The following PIGF variants were observed in gnomAD, a reference collection of about 807,000 sequenced individuals.
PIGF encodes the protein GPI ethanolamine phosphate transferase, stabilizing subunit.
PIGF carries 23 observed loss-of-function variants against 26.0 expected under a neutral mutation model. That is an observed-to-expected ratio of 0.88 (90% confidence interval 0.64 to 1.25). The LOEUF (loss-of-function observed/expected upper bound fraction) is 1.25, where lower values mean the gene tolerates loss of function less well. Among genes scored for constraint, PIGF ranks in the 50% most tolerant of loss-of-function variants. The pLI, the probability that PIGF is intolerant of heterozygous loss-of-function variation, is 0.00. For synonymous variants in PIGF, 93 were observed against 92.6 expected (o/e 1.00, Z -0.03); for missense variants, 278 against 249.9 (o/e 1.11, Z -0.76).
In PIGF at chr2:46,611,917, A is replaced by G. The variant is rs1402962636; in HGVS notation, c.437+311T>C. 2.6e-5 allele frequency among the ~76,000 whole-genome samples: 4 copies of G among 152,186 alleles called. No homozygotes were observed. In the East Asian group the frequency reaches 7.7e-4, roughly 29 times the overall value. ...AAATTATCCCAGAACCATGGTTTTCAAGGCTTTCTTTTAATAGTAGAATTT... is the reference window on the plus strand; with the variant it reads ...AAATTATCCCAGAACCATGGTTTTCGAGGCTTTCTTTTAATAGTAGAATTT... On this transcript the variant is annotated intron_variant, in intron 4 of 5. Transcript: ENST00000281382.
chr2:46,595,603 T>C (rs1310230978), intron 4 of PIGF, among the ~76,000 whole-genome samples: 1 of 152,216 alleles, frequency 6.6e-6, no homozygotes, highest in African/African-American at 2.4e-5. Context: ...TTCATCTCTC[T>C]TGGGATTACA....
Position 46,612,254 on chromosome 2 carries a change from T to A in PIGF, c.411A>T (p.Ala137=), listed in dbSNP as rs1670443653. Residue 137 remains alanine (A), a synonymous_variant, in exon 4 of 6, where the codon GCA becomes GCT. Coordinates refer to ENST00000281382, the MANE Select transcript of PIGF (RefSeq NM_002643.4). The part of the protein sequence containing the change: ...CLCLLGPNLK[A]WLRVFSRNGV... ...CATTTCTACTGAACACTCTTAGCCA[T>A]GCTTTGAGGTTTGGTCCTAACAAAC... 1 of 1,379,324 alleles carries A rather than the reference T, an allele frequency of 7.2e-7. No homozygotes were observed. Among genetic ancestry groups the A allele is most frequent in the Non-Finnish European group, 9.7e-7 (1 of 1,033,878 alleles). 85.4% of individuals were successfully genotyped at this position (1,379,324 alleles called of 1,614,324 possible). A position where few individuals can be genotyped will look rare whatever the true frequency, so the allele number is the denominator to read the frequency against.
At chr2:46,595,985 C>T (rs935200013) in intron 4 of PIGF, among the ~76,000 whole-genome samples, 4 of 152,022 alleles carry the variant, frequency 2.6e-5, no homozygotes, top group Non-Finnish European at 4.4e-5. Context: ...GACGCAGAGG[C>T]GGGCGGATCA....
At chr2:46,600,272 G>A (rs1224966527) in intron 4 of PIGF, among the ~76,000 whole-genome samples, 1 of 152,060 alleles carries the variant, frequency 6.6e-6, no homozygotes. Context: ...ATATGTATGG[G>A]GGTATATACA....
rs761028337 is a variant in PIGF at position 46,615,059 on chromosome 2, T to C, written c.106A>G (p.Ile36Val). The change falls in exon 2 of 6, where the codon ATA becomes GTA. Residue 36 changes from isoleucine (I) to valine (V), a missense_variant. Physicochemically the swap from Ile to Val is conservative, Grantham distance 29 (BLOSUM62 3). Coordinates refer to ENST00000281382, the MANE Select transcript of PIGF (RefSeq NM_002643.4). The stretch of plus-strand genomic sequence containing the variant: ...AACCATGTCAAGTGTGTTTCCAATA[T>C]TGAGAAGTTCTCCAAGAAGAGTGAT... ...IPSLFLENFSILETHLTWLCI... is the reference protein window; with the variant it reads ...IPSLFLENFSVLETHLTWLCI... The C allele has an allele frequency of 2.4e-5, 39 of 1,599,498 alleles. No homozygotes were observed. The Middle Eastern group carries it at 8.3e-4, about 34-fold the overall frequency.
At chr2:46,587,226 G>A (rs1211905216) in intron 5 of PIGF, among the ~76,000 whole-genome samples, 1 of 152,004 alleles carries the variant, frequency 6.6e-6, no homozygotes, top group African/African-American at 2.4e-5. Context: ...TTTGGTAATG[G>A]AAATACCAAT....
At chr2:46,616,915 G>T in intron 1 of PIGF, 55 bp downstream of exon 1, 1 of 401,630 alleles carries the variant, frequency 2.5e-6, no homozygotes, top group East Asian at 6.1e-5. Context: ...GGCAATTCGC[G>T]GGGGTAGCTT....
intron 4 of PIGF, among the ~76,000 whole-genome samples, chr2:46,595,391 T>C (rs1254065435): frequency 3.9e-5 from 6 of 152,234 alleles, no homozygotes; most frequent in Admixed American, 3.9e-4. Context: ...TTTCCTAGCA[T>C]AATGTTTTCA....
intron 4 of PIGF, among the ~76,000 whole-genome samples, chr2:46,610,526 C>CTT (rs10690699): frequency 0.17 from 18,494 of 110,212 alleles, 2,874 homozygotes; most frequent in African/African-American, 0.39. Flanking sequence ...GTACTGATTC[C>CTT]TTTTTTTTTT....
At chr2:46,607,728 T>C (rs1360758124) in intron 4 of PIGF, among the ~76,000 whole-genome samples, 1 of 151,808 alleles carries the variant, frequency 6.6e-6, no homozygotes, top group Non-Finnish European at 1.5e-5. Flanking sequence ...TGAGTCTCGC[T>C]CTATCGCCCA....
At chr2:46,594,685 G>A (rs1381106296) in intron 4 of PIGF, among the ~76,000 whole-genome samples, 1 of 151,864 alleles carries the variant, frequency 6.6e-6, no homozygotes, top group African/African-American at 2.4e-5. Flanking sequence ...ACAGGTGTGT[G>A]CCATCACACC....
intron 4 of PIGF, among the ~76,000 whole-genome samples, chr2:46,595,908 A>G (rs1318621604): frequency 6.6e-6 from 1 of 152,142 alleles, no homozygotes; most frequent in Non-Finnish European, 1.5e-5. Context: ...CTTTACGATC[A>G]GAGATGTTTC....
At chr2:46,587,588 A>G (rs188222789) in intron 5 of PIGF, among the ~76,000 whole-genome samples, 336 of 152,330 alleles carry the variant, frequency 2.2e-3, no homozygotes, top group Non-Finnish European at 3.5e-3. Flanking sequence ...AAATTCAGTT[A>G]TTTAAAATAC....
chr2:46,591,267 A>G (rs1223620841), intron 5 of PIGF, among the ~76,000 whole-genome samples: 1 of 152,146 alleles, frequency 6.6e-6, no homozygotes, highest in African/African-American at 2.4e-5. Context: ...TGAGGGGAAA[A>G]AGCAGATTAA....
At chr2:46,607,990 G>A (rs560008847) in intron 4 of PIGF, among the ~76,000 whole-genome samples, 28 of 152,264 alleles carry the variant, frequency 1.8e-4, no homozygotes, top group South Asian at 1.7e-3. Context: ...GACCCACTGC[G>A]CCCAGCCGGC....
chr2:46,611,689 AT>A (rs1196196583), intron 4 of PIGF, among the ~76,000 whole-genome samples: 1 of 152,182 alleles, frequency 6.6e-6, no homozygotes, highest in Non-Finnish European at 1.5e-5. Context: ...AGAAGCTAAA[AT>A]TTTAACTTAG....
chr2:46,587,870 A>T (rs1475007113), intron 5 of PIGF, among the ~76,000 whole-genome samples: 1 of 152,204 alleles, frequency 6.6e-6, no homozygotes, highest in Non-Finnish European at 1.5e-5. Flanking sequence ...TAATTTAGCT[A>T]TTCCAAAGAG....
At chr2:46,605,254 G>A (rs1189166643) in intron 4 of PIGF, among the ~76,000 whole-genome samples, 2 of 152,026 alleles carry the variant, frequency 1.3e-5, no homozygotes, top group African/African-American at 4.8e-5. Context: ...AAATTTGGAA[G>A]TATAATAAAA....
At chr2:46,616,833 C>T (rs1325855768) in intron 1 of PIGF, 137 bp downstream of exon 1, 2 of 271,130 alleles carry the variant, frequency 7.4e-6, no homozygotes, top group Non-Finnish European at 1.4e-5. Context: ...TCCATCAGGG[C>T]ACGCCGGAAG....
Sources: gnomAD v4.1 joint callset for allele counts (sites outside exome capture counted in the v4.1 genomes callset) on GRCh38, gnomAD v4.1.1 for gene constraint, MANE v1.5 for transcripts, NCBI Gene and HGNC (gene_info 2026-07-23, HGNC 2026-07-21) for gene names.